CDH12: variants seen among roughly 807,000 people sequenced by gnomAD.
CDH12 encodes cadherin 12.
CDH12 carries 41 observed loss-of-function variants against 74.1 expected under a neutral mutation model. The observed-to-expected ratio is 0.55, with a 90% CI of 0.43 to 0.72. CDH12 has a LOEUF of 0.72. Among genes scored for constraint, CDH12 ranks in the 30% least tolerant of loss-of-function variants. The pLI, the probability that CDH12 is intolerant of heterozygous loss-of-function variation, is 0.00. For missense variants in CDH12, 945 were observed against 977.2 expected (o/e 0.97, Z 0.44); for synonymous variants, 399 against 355.0 (o/e 1.12, Z -1.39).
At chr5:22,806,865 G>A (rs1748844057) in intron 1 of CDH12, among the ~76,000 whole-genome samples, 1 of 152,080 alleles carries the variant, frequency 6.6e-6, no homozygotes, top group Non-Finnish European at 1.5e-5. Flanking sequence ...GTAGATTCTG[G>A]ATATTAGCCC....
At chr5:22,047,853 A>T in intron 5 of CDH12, among the ~76,000 whole-genome samples, 1 of 152,180 alleles carries the variant, frequency 6.6e-6, no homozygotes, top group Non-Finnish European at 1.5e-5. Flanking sequence ...TCTTCATCAA[A>T]GTCAGAATAT....
chr5:22,163,324 C>T (rs1181048822), intron 4 of CDH12, among the ~76,000 whole-genome samples: 1 of 152,092 alleles, frequency 6.6e-6, no homozygotes, highest in Admixed American at 6.5e-5. Flanking sequence ...TACATATTTC[C>T]AGCCCAGACT....
chr5:22,560,507 C>T (rs1275563485), intron 1 of CDH12, among the ~76,000 whole-genome samples: 8 of 151,750 alleles, frequency 5.3e-5, no homozygotes, highest in Non-Finnish European at 1.5e-5. Flanking sequence ...TCCTACTCAC[C>T]ATAAAATTAA....
intron 1 of CDH12, among the ~76,000 whole-genome samples, chr5:22,644,881 T>A (rs532054837): frequency 3.2e-4 from 48 of 152,180 alleles, no homozygotes; most frequent in African/African-American, 1.1e-3. Context: ...ATTTTAATTC[T>A]ACTCTGTGCT....
At chr5:22,697,586 A>AG (rs1295344618) in intron 1 of CDH12, among the ~76,000 whole-genome samples, 51 of 151,464 alleles carry the variant, frequency 3.4e-4, no homozygotes, top group Middle Eastern at 3.4e-3. Flanking sequence ...AAAAAAAAAA[A>AG]AAAGAAAGAA....
intron 3 of CDH12, among the ~76,000 whole-genome samples, chr5:22,329,295 A>G (rs1018759387): frequency 1.3e-5 from 2 of 152,228 alleles, no homozygotes; most frequent in Non-Finnish European, 2.9e-5. Context: ...TTTTAATACC[A>G]GCAATAGAGA....
At chr5:22,355,875 A>C (rs1740545626) in intron 3 of CDH12, among the ~76,000 whole-genome samples, 1 of 152,190 alleles carries the variant, frequency 6.6e-6, no homozygotes, top group African/African-American at 2.4e-5. Flanking sequence ...ATGACTAAAC[A>C]ATAGGGGTTG....
At chr5:22,754,022 G>A (rs1014301577) in intron 1 of CDH12, among the ~76,000 whole-genome samples, 1 of 152,100 alleles carries the variant, frequency 6.6e-6, no homozygotes, top group Non-Finnish European at 1.5e-5. Context: ...CAGTCCATAA[G>A]TTTGTGATGT....
chr5:22,360,846 T>C (rs1740771961), intron 3 of CDH12, among the ~76,000 whole-genome samples: 2 of 152,110 alleles, frequency 1.3e-5, no homozygotes, highest in African/African-American at 2.4e-5. Context: ...ATTATCTCAA[T>C]AGATGCAGAA....
At position 22,078,697 on chromosome 5, in the gene CDH12, C is replaced by A; in HGVS notation, c.-21G>T. 6.2e-7 allele frequency: 1 copy of A among 1,610,652 alleles called. No homozygotes were observed. The highest frequency in any genetic ancestry group is 8.5e-7 in the Non-Finnish European group (1 of 1,178,100). ...AGCATTGGCAAAGGCTTTCCTACAG[C>A]AGAGTAATAAAAACTCCAACACTTA... is the stretch of plus-strand genomic sequence containing the variant. On this transcript the variant is annotated 5_prime_UTR_variant, in exon 5 of 15. Transcript: ENST00000382254.
Position 22,478,657 on chromosome 5 carries a change from A to G in CDH12, c.-428+26613T>C, listed in dbSNP as rs373835997. Among the ~76,000 whole-genome samples, 26 of 152,084 alleles carry G rather than the reference A, an allele frequency of 1.7e-4. No homozygotes were observed. The East Asian group carries it at 1.7e-3, about 10-fold the overall frequency. On this transcript the variant is annotated intron_variant, in intron 2 of 14. Transcript: ENST00000382254. ...TTGACTTCTGTCCTCAGAGCCTGAA[A>G]GACTTATGCTGCTTACTAGATAGGT...
chr5:22,681,310 G>T (rs1200151151), intron 1 of CDH12, among the ~76,000 whole-genome samples: 1 of 149,750 alleles, frequency 6.7e-6, no homozygotes, highest in Non-Finnish European at 1.5e-5. Context: ...ACTATTGAAG[G>T]TTAATTTCTG....
At chr5:22,537,499 T>A in intron 1 of CDH12, among the ~76,000 whole-genome samples, 1 of 152,148 alleles carries the variant, frequency 6.6e-6, no homozygotes, top group East Asian at 1.9e-4. Flanking sequence ...AAGGTCAGCA[T>A]GGCCATAAAT....
chr5:22,809,226 G>A (rs1159439275), intron 1 of CDH12, among the ~76,000 whole-genome samples: 3 of 151,782 alleles, frequency 2.0e-5, no homozygotes, highest in African/African-American at 7.3e-5. Flanking sequence ...TATTCATTAA[G>A]GCATATAAAT....
At chr5:22,320,558 G>A (rs973239090) in intron 3 of CDH12, among the ~76,000 whole-genome samples, 1 of 151,932 alleles carries the variant, frequency 6.6e-6, no homozygotes, top group African/African-American at 2.4e-5. Context: ...ATGCATATGT[G>A]GAATACAAAT....
intron 3 of CDH12, among the ~76,000 whole-genome samples, chr5:22,385,638 C>T (rs112413448): frequency 1.3e-5 from 2 of 152,122 alleles, no homozygotes; most frequent in African/African-American, 2.4e-5. Context: ...GCCTAGCATC[C>T]ATAGCACCAG....
At chr5:21,900,152 T>G (rs541849364) in intron 6 of CDH12, among the ~76,000 whole-genome samples, 1 of 152,312 alleles carries the variant, frequency 6.6e-6, no homozygotes, top group African/African-American at 2.4e-5. Context: ...GCATCACTTT[T>G]GGCACTAGCT....
At chr5:22,542,823 G>A (rs561986422) in intron 1 of CDH12, among the ~76,000 whole-genome samples, 1 of 152,106 alleles carries the variant, frequency 6.6e-6, no homozygotes, top group Non-Finnish European at 1.5e-5. Flanking sequence ...TATATGGAAT[G>A]CACAGATGCT....
chr5:22,453,682 A>G (rs1318581299), intron 2 of CDH12, among the ~76,000 whole-genome samples: 1 of 152,188 alleles, frequency 6.6e-6, no homozygotes, highest in Non-Finnish European at 1.5e-5. Context: ...GGGTGGCTAT[A>G]GTGAAAAATA....
Sources: allele counts gnomAD v4.1 joint callset (sites outside exome capture counted in the v4.1 genomes callset), GRCh38; gene constraint gnomAD v4.1.1; transcripts MANE v1.5; gene names NCBI Gene and HGNC (gene_info 2026-07-23, HGNC 2026-07-21).